ADGRB3: variants seen among roughly 807,000 people sequenced by gnomAD.
ADGRB3 encodes the protein adhesion G protein-coupled receptor B3, also known as brain-specific angiogenesis inhibitor 3.
A neutral mutation model predicts 193.4 loss-of-function variants in ADGRB3; 37 were observed. The ratio of observed to expected loss-of-function variants is 0.19; its 90% CI spans 0.15 to 0.25. The LOEUF (loss-of-function observed/expected upper bound fraction) is 0.25. Among genes scored for constraint, ADGRB3 ranks in the 10% least tolerant of loss-of-function variants. The pLI is 1.00. For synonymous variants in ADGRB3, 690 were observed against 644.2 expected (o/e 1.07, Z -1.08); for missense variants, 1,637 against 1,852.9 (o/e 0.88, Z 2.14).
In ADGRB3 at chr6:68,679,269, T is replaced by C. The variant is rs1046652482; in HGVS notation, c.757+39837T>C. Among the ~76,000 whole-genome samples the C allele has an allele frequency of 2.6e-4, 39 of 152,144 alleles. 3 individuals carry two copies. The highest frequency in any genetic ancestry group is 1.5e-5 in the Non-Finnish European group (1 of 68,034). On this transcript the variant is annotated intron_variant, in intron 3 of 31. Coordinates refer to ENST00000370598, the MANE Select transcript of ADGRB3 (RefSeq NM_001704.3). ...ACTTTATTTCTTGCTCATGTAACAGTTCAGTGAACGTGCTCCTGCTTTGTG... is the reference window on the plus strand; with the variant it reads ...ACTTTATTTCTTGCTCATGTAACAGCTCAGTGAACGTGCTCCTGCTTTGTG...
At chr6:68,770,527 A>T (rs141065494) in intron 3 of ADGRB3, among the ~76,000 whole-genome samples, 62 of 152,196 alleles carry the variant, frequency 4.1e-4, no homozygotes, top group African/African-American at 1.3e-3. Flanking sequence ...TCATTCAGAG[A>T]TTCTGTTACT....
chr6:68,968,221 T>C (rs1012677558), intron 8 of ADGRB3, among the ~76,000 whole-genome samples: 6 of 152,124 alleles, frequency 3.9e-5, no homozygotes, highest in African/African-American at 1.2e-4. Context: ...CCAGTAAACA[T>C]TTCACCCTAC....
intron 20 of ADGRB3, among the ~76,000 whole-genome samples, chr6:69,315,853 T>A (rs1367076082): frequency 2.6e-5 from 4 of 151,470 alleles, no homozygotes; most frequent in Non-Finnish European, 5.9e-5. Context: ...TCTTATATTG[T>A]TGAAATGTTA....
intron 3 of ADGRB3, among the ~76,000 whole-genome samples, chr6:68,875,232 C>T (rs1421018573): frequency 2.2e-5 from 1 of 45,912 alleles, no homozygotes; most frequent in Non-Finnish European, 4.2e-5. Flanking sequence ...CTTCCTCTCC[C>T]CCTCCCTCTG....
intron 16 of ADGRB3, among the ~76,000 whole-genome samples, chr6:69,065,962 A>G (rs761432251): frequency 6.6e-6 from 1 of 152,088 alleles, no homozygotes; most frequent in African/African-American, 2.4e-5. Context: ...ACACTGTATT[A>G]TGGTATTAGG....
At chr6:68,843,145 A>G (rs928604348) in intron 3 of ADGRB3, among the ~76,000 whole-genome samples, 1 of 152,008 alleles carries the variant, frequency 6.6e-6, no homozygotes, top group Admixed American at 6.6e-5. Context: ...CACTTTCACT[A>G]CTGTCATTCA....
intron 26 of ADGRB3, among the ~76,000 whole-genome samples, chr6:69,340,121 G>A (rs1055951833): frequency 2.0e-5 from 3 of 152,136 alleles, no homozygotes; most frequent in South Asian, 2.1e-4. Flanking sequence ...TCCAAGAACT[G>A]TAGAGGTATT....
chr6:69,323,467 A>C (rs537242587), intron 20 of ADGRB3, among the ~76,000 whole-genome samples: 12 of 152,066 alleles, frequency 7.9e-5, no homozygotes, highest in Non-Finnish European at 1.3e-4. Context: ...ATTATACCTG[A>C]GACTAGAGTA....
intron 3 of ADGRB3, among the ~76,000 whole-genome samples, chr6:68,711,108 C>T (rs991665144): frequency 4.6e-5 from 7 of 152,106 alleles, no homozygotes; most frequent in African/African-American, 1.7e-4. Flanking sequence ...AGCTCTCTCC[C>T]TGCCAGTTCT....
intron 17 of ADGRB3, among the ~76,000 whole-genome samples, chr6:69,197,507 A>C (rs1051363655): frequency 2.0e-5 from 3 of 152,070 alleles, no homozygotes; most frequent in South Asian, 4.1e-4. Flanking sequence ...CAAAATAAGA[A>C]AATGGATACA....
rs1765122481 is a variant in ADGRB3, at chr6:68,694,320, G to A, written c.757+54888G>A. 2.6e-5 allele frequency among the ~76,000 whole-genome samples: 4 copies of A among 152,056 alleles called. 1 individual carries two copies. The South Asian group carries it at 8.3e-4, about 32-fold the overall frequency. On this transcript the variant is annotated intron_variant, in intron 3 of 31. Transcript: ENST00000370598. ...TGAATATAATTTTATTTCCTAACTT[G>A]GTTAATAAGATGTATAGATCCATTT... is the stretch of plus-strand genomic sequence containing the variant.
intron 23 of ADGRB3, 92 bp from the exon 24 acceptor site, chr6:69,332,831 T>C (rs756396442): frequency 1.3e-6 from 2 of 1,543,922 alleles, no homozygotes; most frequent in Admixed American, 1.9e-5. Context: ...GATACGGTGG[T>C]TATGAATTGA....
chr6:68,826,429 T>A (rs1372752549), intron 3 of ADGRB3, among the ~76,000 whole-genome samples: 2 of 152,190 alleles, frequency 1.3e-5, no homozygotes, highest in African/African-American at 4.8e-5. Context: ...CAAGGGAGTC[T>A]GCTTGGCTGG....
intron 20 of ADGRB3, among the ~76,000 whole-genome samples, chr6:69,301,426 TA>T (rs758579640): frequency 1.7e-4 from 26 of 152,048 alleles, no homozygotes; most frequent in Admixed American, 1.1e-3. Flanking sequence ...TACTAGTATC[TA>T]CTGAAAACAG....
intron 3 of ADGRB3, among the ~76,000 whole-genome samples, chr6:68,663,462 A>C (rs1768719330): frequency 6.6e-6 from 1 of 151,716 alleles, no homozygotes; most frequent in Non-Finnish European, 1.5e-5. Flanking sequence ...TAGGATAAAA[A>C]TATACATTTG....
At chr6:68,726,770 A>C (rs1008710997) in intron 3 of ADGRB3, among the ~76,000 whole-genome samples, 2 of 151,642 alleles carry the variant, frequency 1.3e-5, no homozygotes, top group African/African-American at 4.8e-5. Flanking sequence ...TGTTTGTTAA[A>C]ACACAGTTGG....
chr6:68,991,743 C>T (rs1769244650), intron 10 of ADGRB3, among the ~76,000 whole-genome samples: 2 of 152,164 alleles, frequency 1.3e-5, no homozygotes, highest in South Asian at 4.1e-4. Flanking sequence ...AAGATGCTTT[C>T]GTGTATGCTC....
chr6:69,238,710 T>C (rs1340691059), intron 19 of ADGRB3, among the ~76,000 whole-genome samples: 1 of 151,980 alleles, frequency 6.6e-6, no homozygotes, highest in African/African-American at 2.4e-5. Context: ...TCAAAGTTTA[T>C]ATTGGTTGAT....
chr6:69,213,880 C>T (rs1206046008), intron 17 of ADGRB3, among the ~76,000 whole-genome samples: 1 of 152,044 alleles, frequency 6.6e-6, no homozygotes, highest in Non-Finnish European at 1.5e-5. Context: ...CCCTCATTTA[C>T]CACCCAATAT....
Sources: gnomAD v4.1 joint callset for allele counts (sites outside exome capture counted in the v4.1 genomes callset) on GRCh38, gnomAD v4.1.1 for gene constraint, MANE v1.5 for transcripts, NCBI Gene and HGNC (gene_info 2026-07-23, HGNC 2026-07-21) for gene names.